Variants in NEBL observed in about 807,000 individuals in gnomAD.
NEBL encodes the protein LIM and SH3 protein 2.
In NEBL, 122 loss-of-function variants were observed where a neutral mutation model predicts 140.2. The observed-to-expected ratio is 0.87, with a 90% CI of 0.75 to 1.01. The LOEUF (loss-of-function observed/expected upper bound fraction) is 1.01. NEBL is among the 50% of genes least tolerant of loss of function. The pLI is 0.00. For missense variants in NEBL, 1,365 were observed against 1,231.3 expected (o/e 1.11, Z -1.62); for synonymous variants, 436 against 398.9 (o/e 1.09, Z -1.11).
chr10:21,146,358 T>C (rs1237638065), intron 2 of NEBL: 6 of 1,613,028 alleles, frequency 3.7e-6, no homozygotes, highest in Non-Finnish European at 5.1e-6. Context: ...ATGTCTGGAA[T>C]GTACATTTCA....
At chr10:21,039,275 G>A (rs1414626580) in intron 2 of NEBL, among the ~76,000 whole-genome samples, 2 of 152,014 alleles carry the variant, frequency 1.3e-5, no homozygotes, top group African/African-American at 4.8e-5. Context: ...ATTGCTTTTG[G>A]TGTTTTAGTC....
At chr10:21,234,616 T>C (rs959703440) in intron 3 of NEBL, among the ~76,000 whole-genome samples, 1 of 152,180 alleles carries the variant, frequency 6.6e-6, no homozygotes, top group African/African-American at 2.4e-5. Context: ...CTGCTTTCCA[T>C]TGAGCAGTGA....
At chr10:21,160,178 C>T (rs1840498333) in intron 2 of NEBL, among the ~76,000 whole-genome samples, 1 of 151,822 alleles carries the variant, frequency 6.6e-6, no homozygotes, top group Admixed American at 6.6e-5. Context: ...ATATACTCAT[C>T]ACTGTATAAA....
At chr10:21,181,420 C>T (rs568010988) in intron 3 of NEBL, among the ~76,000 whole-genome samples, 13 of 151,790 alleles carry the variant, frequency 8.6e-5, no homozygotes, top group African/African-American at 2.7e-4. Flanking sequence ...AAACAGAGAG[C>T]TATCATATAC....
chr10:21,129,499 T>C (rs1270595688), intron 2 of NEBL, among the ~76,000 whole-genome samples: 1 of 151,936 alleles, frequency 6.6e-6, no homozygotes, highest in African/African-American at 2.4e-5. Context: ...TAGAGATATT[T>C]TACATATGTA....
intron 2 of NEBL, among the ~76,000 whole-genome samples, chr10:21,166,765 C>T (rs916907759): frequency 6.6e-6 from 1 of 152,178 alleles, no homozygotes. Context: ...CATCTAGCTC[C>T]AAAACTCCAA....
intron 9 of NEBL, among the ~76,000 whole-genome samples, 169 bp downstream of exon 9, chr10:20,858,071 C>T (rs1344256910): frequency 6.6e-6 from 1 of 151,982 alleles, no homozygotes; most frequent in Non-Finnish European, 1.5e-5. Context: ...AAAGTGACAG[C>T]TCTGGTGGGA....
In NEBL at chr10:20,959,779, G is replaced by A. The variant is rs372131020; in HGVS notation, c.357+1893C>T. On this transcript the variant is annotated intron_variant, in intron 4 of 6. Coordinates refer to the NEBL transcript ENST00000417816. ...TGCTAACATTAAGACATCGCAAAAA[G>A]TTTTTTTTTTAAAAAAAGATGTTGT... is the stretch of plus-strand genomic sequence containing the variant. 7.4e-5 allele frequency among the ~76,000 whole-genome samples: 11 copies of A among 148,724 alleles called. No homozygotes were observed. In the East Asian group the frequency reaches 2.2e-3, roughly 29 times the overall value.
chr10:21,135,792 T>A (rs762627224), intron 2 of NEBL, among the ~76,000 whole-genome samples: 4 of 152,050 alleles, frequency 2.6e-5, no homozygotes, highest in Non-Finnish European at 5.9e-5. Context: ...GTGCTGAAGG[T>A]CCTATTTTCA....
chr10:21,098,521 C>T (rs976205976), intron 2 of NEBL, among the ~76,000 whole-genome samples: 2 of 152,146 alleles, frequency 1.3e-5, no homozygotes, highest in African/African-American at 2.4e-5. Context: ...GTTCTACCTC[C>T]CTTAGTAATG....
intron 3 of NEBL, among the ~76,000 whole-genome samples, chr10:21,198,982 CTTTTTA>C (rs1841692906): frequency 6.6e-6 from 1 of 151,480 alleles, no homozygotes; most frequent in Non-Finnish European, 1.5e-5. Flanking sequence ...TTCTATTCTA[CTTTTTA>C]TTTATTTTTA....
intron 3 of NEBL, among the ~76,000 whole-genome samples, chr10:21,015,840 A>G (rs928670822): frequency 6.6e-6 from 1 of 152,126 alleles, no homozygotes; most frequent in Admixed American, 6.5e-5. Flanking sequence ...GGGGTCTTTC[A>G]TCTCGCCTGG....
At chr10:20,811,850 T>C (rs1387522280) in intron 24 of NEBL, among the ~76,000 whole-genome samples, 1 of 152,168 alleles carries the variant, frequency 6.6e-6, no homozygotes, top group Admixed American at 6.5e-5. Flanking sequence ...AAGGAGACAA[T>C]AGTCTTCAGT....
rs1266642392 is a variant in NEBL, at chr10:20,969,256, T to C, written c.250-7477A>G. On this transcript the variant is annotated intron_variant, in intron 3 of 6. Coordinates refer to the NEBL transcript ENST00000417816. ...TTTGCTTTTTTATAAATTAATCTCA[T>C]AATTTGTAAATCTATGGTTAATTAA... 4.6e-5 allele frequency among the ~76,000 whole-genome samples: 7 copies of C among 152,104 alleles called. No homozygotes were observed. In the South Asian group the frequency reaches 1.0e-3, roughly 23 times the overall value.
intron 2 of NEBL, among the ~76,000 whole-genome samples, chr10:21,125,139 T>G (rs543537259): frequency 4.7e-4 from 71 of 152,224 alleles, no homozygotes; most frequent in African/African-American, 1.5e-3. Context: ...AAAGCAATGC[T>G]AACATCTCTA....
chr10:20,905,322 G>A (rs539435884), intron 4 of NEBL, among the ~76,000 whole-genome samples: 1 of 152,124 alleles, frequency 6.6e-6, no homozygotes, highest in African/African-American at 2.4e-5. Context: ...CCGAGACTGG[G>A]TAATTTATAA....
At chr10:21,270,512 G>A (rs1370500990) in intron 1 of NEBL, among the ~76,000 whole-genome samples, 2 of 151,954 alleles carry the variant, frequency 1.3e-5, no homozygotes, top group East Asian at 3.9e-4. Context: ...GATTACAGGT[G>A]TGCGCCACCA....
chr10:21,192,050 T>A (rs1164806437), intron 3 of NEBL, among the ~76,000 whole-genome samples: 1 of 152,184 alleles, frequency 6.6e-6, no homozygotes, highest in African/African-American at 2.4e-5. Context: ...ACCTACTCAG[T>A]AGAGGGTATC....
At chr10:20,952,336 C>G (rs1835516270) in intron 4 of NEBL, among the ~76,000 whole-genome samples, 1 of 150,734 alleles carries the variant, frequency 6.6e-6, no homozygotes, top group South Asian at 2.1e-4. Flanking sequence ...ACTAGGGAGG[C>G]TGAGGCAGGA....
Sources: gnomAD v4.1 joint callset for allele counts (sites outside exome capture counted in the v4.1 genomes callset) on GRCh38, gnomAD v4.1.1 for gene constraint, MANE v1.5 for transcripts, NCBI Gene and HGNC (gene_info 2026-07-23, HGNC 2026-07-21) for gene names.